The following C16orf96 variants were observed in gnomAD, a reference collection of about 807,000 sequenced individuals.
C16orf96 encodes uncharacterized protein C16orf96.
In C16orf96, 108 loss-of-function variants were observed where a neutral mutation model predicts 103.6. The observed-to-expected ratio is 1.04, with a 90% CI of 0.89 to 1.22. The LOEUF (loss-of-function observed/expected upper bound fraction) is 1.22, where lower values mean the gene tolerates loss of function less well. C16orf96 is among the 50% of genes most tolerant of loss of function. C16orf96 has a pLI of 0.00. For missense variants in C16orf96, 1,586 were observed against 1,464.2 expected, an observed-to-expected ratio of 1.08 and a Z score of -1.36; for synonymous variants, 566 against 593.5, an observed-to-expected ratio of 0.95 and a Z score of 0.67.
chr16:4,596,347 T>A (rs1897171695), intron 14 of C16orf96, among the ~76,000 whole-genome samples: 1 of 152,086 alleles, frequency 6.6e-6, no homozygotes, highest in Non-Finnish European at 1.5e-5. Context: ...TAGCCAGCCA[T>A]GGTGACACAC....
At chr16:4,563,049 G>C (rs2059348948) in intron 1 of C16orf96, 7 of 890,874 alleles carry the variant, frequency 7.9e-6, no homozygotes, top group Non-Finnish European at 1.1e-5. Flanking sequence ...GAAGATGACA[G>C]AGCTCTCCAA....
chr16:4,548,164 C>T, the C16orf96 span, among the ~76,000 whole-genome samples: 2 of 152,096 alleles, frequency 1.3e-5, no homozygotes, highest in South Asian at 2.1e-4. Context: ...AACGCAGGCC[C>T]GGAGACAGGA....
rs1019843177 is a variant in C16orf96 at position 4,575,001 on chromosome 16, C to A, written c.636C>A (p.Ile212=). The A allele has an allele frequency of 6.4e-7, 1 of 1,551,512 alleles. No homozygotes were observed. Among genetic ancestry groups the A allele is most frequent in the Non-Finnish European group, 8.7e-7 (1 of 1,147,004 alleles). The change falls in exon 4 of 16, where the codon ATC becomes ATA. Residue 212 remains isoleucine, a synonymous_variant. Transcript: ENST00000444310. ...CTCTCCAGAATAAGTTTAAAACCAT[C>A]CCCAAAACCGAGGACATGGTGCTCT... ...VASLQNKFKT[I]PKTEDMVLWS...
In C16orf96 at chr16:4,575,195, G is replaced by A. The variant is rs1019727564; in HGVS notation, c.715G>A (p.Asp239Asn). ...GCAGGAAATTGGTTCATCACCACTG[G>A]ACCTGTGGCAGTCTGTAGAGCAGCT... ...FTSEIGSSPL[D>N]LWQSVEQLPE... Residue 239 changes from aspartate to asparagine, a missense_variant, in exon 5 of 16, where the codon GAC (aspartate) becomes AAC (asparagine). Coordinates refer to ENST00000444310, the MANE Select transcript of C16orf96 (RefSeq NM_001145011.2). The A allele has an allele frequency of 9.7e-6, 15 of 1,546,866 alleles. No homozygotes were observed. The highest frequency in any genetic ancestry group is 1.3e-5 in the Non-Finnish European group (15 of 1,146,888).
At chr16:4,578,858 C>T (rs2059546327) in intron 5 of C16orf96, 82 bp from the exon 6 acceptor site, 1 of 1,039,658 alleles carries the variant, frequency 9.6e-7, no homozygotes, top group African/African-American at 1.6e-5. Context: ...CTGAGATGCT[C>T]CATAAGAGAA....
At chr16:4,555,217 C>T (rs1205014146), upstream of C16orf96, among the ~76,000 whole-genome samples, 6 of 150,114 alleles carry the variant, frequency 4.0e-5, no homozygotes, top group African/African-American at 9.8e-5. Flanking sequence ...GAGCGGAGAT[C>T]GCGCCACTGC....
intron 1 of C16orf96, among the ~76,000 whole-genome samples, chr16:4,557,131 G>A (rs776866203): frequency 1.3e-5 from 2 of 152,034 alleles, no homozygotes. Context: ...CACCACACCC[G>A]GCTAATTTTT....
At chr16:4,549,471 T>TAA in the C16orf96 span, among the ~76,000 whole-genome samples, 258 of 96,604 alleles carry the variant, frequency 2.7e-3, 1 homozygote, top group African/African-American at 9.2e-3. Flanking sequence ...AGACTCTGTC[T>TAA]AAAAAAAAAA....
intron 9 of C16orf96, 80 bp from the exon 10 acceptor site, chr16:4,591,586 T>G: frequency 5.2e-6 from 6 of 1,152,562 alleles, no homozygotes; most frequent in Non-Finnish European, 7.6e-6. Context: ...CTTCCCAGGT[T>G]GCTGCAACCC....
chr16:4,551,088 C>G, the C16orf96 span, among the ~76,000 whole-genome samples: 1 of 152,304 alleles, frequency 6.6e-6, no homozygotes, highest in South Asian at 2.1e-4. Context: ...GCCTGGCCAA[C>G]ATGGTGAGAC....
chr16:4,579,731 C>A (rs1193130404), intron 6 of C16orf96, among the ~76,000 whole-genome samples: 1 of 151,982 alleles, frequency 6.6e-6, no homozygotes, highest in Non-Finnish European at 1.5e-5. Flanking sequence ...CCTGCCTCAG[C>A]CTCCCTAGTA....
At chr16:4,550,898 C>G in the C16orf96 span, among the ~76,000 whole-genome samples, 1 of 152,346 alleles carries the variant, frequency 6.6e-6, no homozygotes, top group East Asian at 1.9e-4. Flanking sequence ...TGGAGCTGAG[C>G]CAGCAAAACC....
chr16:4,594,622 C>G, intron 13 of C16orf96, 82 bp from the exon 14 acceptor site: 1 of 1,538,686 alleles, frequency 6.5e-7, no homozygotes, highest in Middle Eastern at 1.7e-4. Flanking sequence ...TGCACTCTGT[C>G]TCCTGGGCTT....
chr16:4,596,781 T>C (rs1034098619), intron 14 of C16orf96, among the ~76,000 whole-genome samples: 1 of 152,180 alleles, frequency 6.6e-6, no homozygotes. Context: ...CCCGCTGTCC[T>C]GGAGGCTGGA....
chr16:4,583,332 C>T (rs769653305), intron 7 of C16orf96, among the ~76,000 whole-genome samples: 17 of 151,624 alleles, frequency 1.1e-4, no homozygotes, highest in Non-Finnish European at 2.1e-4. Context: ...AAGGCCCCAT[C>T]GCTAAAAAAA....
chr16:4,576,104 A>G lies in C16orf96; in HGVS notation c.1624A>G (p.Arg542Gly). The part of the protein sequence containing the change: ...RGGKDGDPKD[R>G]VGKDGAPKEA... ...TGGCAAAGATGGGGACCCCAAGGAT[A>G]GAGTTGGCAAGGATGGGGCCCCCAA... Residue 542 changes from arginine (R) to glycine (G), a missense_variant, in exon 5 of 16, where the codon AGA becomes GGA. Physicochemically the swap from Arg to Gly is moderately radical, Grantham distance 125. Transcript: ENST00000444310. 6.4e-7 allele frequency: 1 copy of G among 1,551,522 alleles called. No homozygotes were observed. The highest frequency in any genetic ancestry group is 8.7e-7 in the Non-Finnish European group (1 of 1,146,942).
intron 14 of C16orf96, among the ~76,000 whole-genome samples, chr16:4,596,800 A>G (rs1175509831): frequency 1.3e-5 from 2 of 152,182 alleles, no homozygotes; most frequent in African/African-American, 4.8e-5. Flanking sequence ...GAAATCCTAA[A>G]TCAAGGAGTC....
upstream of C16orf96, among the ~76,000 whole-genome samples, chr16:4,553,317 C>T (rs1409438584): frequency 1.3e-5 from 2 of 152,190 alleles, no homozygotes; most frequent in African/African-American, 4.8e-5. Flanking sequence ...TGGACTCTTG[C>T]TCCCACAGTT....
chr16:4,560,012 TTTTTA>T (rs2059311127), intron 1 of C16orf96: 1 of 152,064 alleles, frequency 6.6e-6, no homozygotes, highest in South Asian at 2.1e-4. Context: ...GCACACTTCA[TTTTTA>T]TTTTATTTTT....
Sources: allele counts gnomAD v4.1 joint callset (sites outside exome capture counted in the v4.1 genomes callset), GRCh38; gene constraint gnomAD v4.1.1; transcripts MANE v1.5; gene names NCBI Gene and HGNC (gene_info 2026-07-23, HGNC 2026-07-21).